Variants in STRIP2 observed in about 807,000 individuals in gnomAD.
STRIP2 encodes the protein striatin-interacting protein 2.
A neutral mutation model predicts 107.1 loss-of-function variants in STRIP2; 84 were observed. The ratio of observed to expected loss-of-function variants is 0.78; its 90% CI spans 0.66 to 0.94. The LOEUF (loss-of-function observed/expected upper bound fraction) is 0.94, where lower values mean the gene tolerates loss of function less well. Ranked by LOEUF, STRIP2 falls within the 40% of genes least tolerant of loss-of-function variation. The pLI is 0.00. For synonymous variants in STRIP2, 394 were observed against 400.4 expected, an observed-to-expected ratio of 0.98 and a Z score of 0.19; for missense variants, 888 against 1,034.2, an observed-to-expected ratio of 0.86 and a Z score of 1.94.
At chr7:129,453,401 G>C in intron 5 of STRIP2, 54 bp downstream of exon 5, 1 of 1,607,322 alleles carries the variant, frequency 6.2e-7, no homozygotes, top group Non-Finnish European at 8.5e-7. Flanking sequence ...CCTTAAAGGG[G>C]CCTCATGTTC....
chr7:129,451,089 A>G (rs909153621), intron 3 of STRIP2, among the ~76,000 whole-genome samples: 2 of 151,200 alleles, frequency 1.3e-5, no homozygotes, highest in African/African-American at 4.9e-5. Flanking sequence ...GGCGCCCGCC[A>G]CTACGCCCGG....
In STRIP2 at chr7:129,454,181, T is replaced by G; in HGVS notation, c.570T>G (p.Ala190=). The change falls in exon 6 of 21, where the codon GCT becomes GCG. Residue 190 remains alanine (A), a synonymous_variant. Transcript: ENST00000249344. ...GTAGCAGTGCCCTTCGGAAACCAGC[T>G]GTCTCCATAGCTGATAGCACAGAGC... ...QACSSALRKP[A]VSIADSTELR... is the part of the protein sequence containing the mutation. The G allele has an allele frequency of 6.2e-7, 1 of 1,614,184 alleles. No individual in the cohort carries two copies. Among genetic ancestry groups the G allele is most frequent in the Non-Finnish European group, 8.5e-7 (1 of 1,180,022 alleles).
rs541278577 is a variant in STRIP2 at position 129,486,531 on chromosome 7, A to T, written c.*702A>T. 6.6e-6 allele frequency: 1 copy of T among 152,374 alleles called. No homozygotes were observed. The highest frequency in any genetic ancestry group is 1.9e-4 in the East Asian group (1 of 5,194). The allele number at this position is 152,374 out of a possible 1,614,324, so 9.4% of individuals were successfully genotyped here. On this transcript the variant is annotated 3_prime_UTR_variant, in exon 21 of 21. Coordinates refer to ENST00000249344, the MANE Select transcript of STRIP2 (RefSeq NM_020704.3). ...TGCTCTGCCATTTTTAAAGAGCCAC[A>T]ACCAATATGAAATAATTAGGTCCTC...
chr7:129,442,079 G>T (rs1479080989), intron 2 of STRIP2, among the ~76,000 whole-genome samples: 1 of 152,152 alleles, frequency 6.6e-6, no homozygotes, highest in Non-Finnish European at 1.5e-5. Flanking sequence ...ACAAAAATTA[G>T]CTGGGCATCG....
rs1010365276 is a variant in STRIP2 at position 129,458,567 on chromosome 7, G to A, written c.1274+117G>A. The A allele has an allele frequency of 7.4e-5, 92 of 1,244,636 alleles. No homozygotes were observed. The highest frequency in any genetic ancestry group is 2.6e-4 in the South Asian group (18 of 70,554). The allele number at this position is 1,244,636 out of a possible 1,614,324, so 77.1% of individuals were successfully genotyped here. A position where few individuals can be genotyped will look rare whatever the true frequency, so the allele number is the denominator to read the frequency against. ...AGTTGGTCTGGCAGTCAGAACTCCT[G>A]GGTTTGAAATTCCTTCTGTTGATTG... On this transcript the variant is annotated intron_variant, in intron 10 of 20. Transcript: ENST00000249344. The surrounding 1 kb of genome is among the most constrained non-coding windows in gnomAD (Gnocchi z 4.6).
intron 15 of STRIP2, 124 bp from the exon 16 acceptor site, chr7:129,464,488 A>G (rs764034059): frequency 1.2e-4 from 126 of 1,056,906 alleles, no homozygotes; most frequent in Admixed American, 3.1e-4. Context: ...TCCCTGGCAC[A>G]GAAGTTCAAG....
chr7:129,471,933 A>T (rs1010177470), intron 18 of STRIP2, among the ~76,000 whole-genome samples: 1 of 152,202 alleles, frequency 6.6e-6, no homozygotes, highest in Admixed American at 6.5e-5. Flanking sequence ...TAAATTGTCT[A>T]ACCCTCTCTA....
rs1183179408 is a variant in STRIP2 at position 129,477,222 on chromosome 7, C to T, written c.1945-3563C>T. The stretch of plus-strand genomic sequence containing the variant: ...AGGGGGAGGGGGAGGGGGAGGGAGA[C>T]TGTGGGGAGAGGGAGAGGGCTATTG... On this transcript the variant is annotated intron_variant, in intron 18 of 20. Coordinates refer to ENST00000249344, the MANE Select transcript of STRIP2 (RefSeq NM_020704.3). Among the ~76,000 whole-genome samples, 2 of 30,256 alleles carry T rather than the reference C, an allele frequency of 6.6e-5. 1 individual carries two copies. The highest frequency in any genetic ancestry group is 1.7e-4 in the Non-Finnish European group (2 of 11,856). The allele number at this position is 30,256 out of a possible 152,430, so 19.8% of individuals were successfully genotyped here.
intron 1 of STRIP2, among the ~76,000 whole-genome samples, chr7:129,435,192 G>T (rs1253543107): frequency 6.6e-6 from 1 of 152,238 alleles, no homozygotes; most frequent in Admixed American, 6.5e-5. Flanking sequence ...AGCGAGACGG[G>T]ATTCAGGCAG....
In STRIP2 at chr7:129,454,435, T is replaced by A. The variant is rs767802156; in HGVS notation, c.614T>A (p.Val205Asp). The change falls in exon 7 of 21, where the codon GTT becomes GAT. Residue 205 changes from valine (V) to aspartate (D), a missense_variant. Val to Asp is a radical substitution (Grantham distance 152, BLOSUM62 -3). Coordinates refer to ENST00000249344, the MANE Select transcript of STRIP2 (RefSeq NM_020704.3). ...TGTAACCCCAGGGTGCTGCTGAGTG[T>A]TATGTACCTAATGGTGGAAAATATT... ...DSTELRVLLS[V>D]MYLMVENIRL... 1.2e-6 allele frequency: 2 copies of A among 1,613,636 alleles called. No homozygotes were observed.
At chr7:129,459,651 G>C in intron 12 of STRIP2, 71 bp downstream of exon 12, 1 of 1,299,996 alleles carries the variant, frequency 7.7e-7, no homozygotes, top group South Asian at 1.2e-5. Flanking sequence ...CAGGCTCCTG[G>C]ATACTGGGTG....
At chr7:129,440,347 T>C (rs1797863841) in intron 2 of STRIP2, among the ~76,000 whole-genome samples, 1 of 152,182 alleles carries the variant, frequency 6.6e-6, no homozygotes, top group Non-Finnish European at 1.5e-5. Flanking sequence ...TCTTCTTTAT[T>C]CTCTTTGAAA....
At chr7:129,480,710 A>G (rs1799093970) in intron 18 of STRIP2, 75 bp from the exon 19 acceptor site, 4 of 1,296,704 alleles carry the variant, frequency 3.1e-6, no homozygotes, top group African/African-American at 3.0e-5. Context: ...AAACTGACCA[A>G]CATTGACTTC....
chr7:129,469,012 T>A (rs1242083987), intron 17 of STRIP2, among the ~76,000 whole-genome samples: 1 of 152,244 alleles, frequency 6.6e-6, no homozygotes, highest in East Asian at 1.9e-4. Context: ...CTATATGAGC[T>A]AAACATGCCC....
intron 3 of STRIP2, among the ~76,000 whole-genome samples, chr7:129,451,257 T>C (rs961929238): frequency 3.3e-5 from 5 of 152,060 alleles, no homozygotes; most frequent in African/African-American, 1.2e-4. Context: ...TCCTTTTATA[T>C]TGGGCATGTA....
At chr7:129,444,399 A>G (rs1003023288) in intron 3 of STRIP2, among the ~76,000 whole-genome samples, 1 of 152,230 alleles carries the variant, frequency 6.6e-6, no homozygotes, top group Non-Finnish European at 1.5e-5. Context: ...GGCAGGAACT[A>G]TCCAGCACAG....
Position 129,480,802 on chromosome 7 carries a change from C to T in STRIP2, c.1962C>T (p.Ser654=). The change falls in exon 19 of 21, where the codon AGC becomes AGT. Residue 654 remains serine (S), a synonymous_variant. Coordinates refer to ENST00000249344, the MANE Select transcript of STRIP2 (RefSeq NM_020704.3). ...TTESLEAGDN[S]QFCWRNLFSC... ...TACTATAGGAAGCTGGAGACAACAG[C>T]CAGTTCTGCTGGAGGAACCTCTTTT... is the stretch of plus-strand genomic sequence containing the variant. The T allele has an allele frequency of 6.2e-7, 1 of 1,613,652 alleles. No individual in the cohort carries two copies. Among genetic ancestry groups the T allele is most frequent in the Non-Finnish European group, 8.5e-7 (1 of 1,179,784 alleles).
In STRIP2 at chr7:129,485,605, C is replaced by T. The variant is rs779733069; in HGVS notation, c.2281C>T (p.Gln761Ter). Reference protein sequence around the residue: ...NDIDARPWDFQAEECTLRANI... With the variant: ...NDIDARPWDF The stretch of plus-strand genomic sequence containing the variant: ...CATCGATGCCAGACCATGGGACTTC[C>T]AAGCAGAAGAATGTACCTTGAGGGC... Residue 761 changes from glutamine to a stop codon, truncating the protein, a stop_gained, in exon 21 of 21, where the codon CAA (glutamine) becomes TAA (stop). Transcript: ENST00000249344. LOFTEE classifies it high-confidence loss of function. 2 of 1,613,892 alleles carry T rather than the reference C, an allele frequency of 1.2e-6. No homozygotes were observed. The highest frequency in any genetic ancestry group is 8.5e-7 in the Non-Finnish European group (1 of 1,179,998).
intron 3 of STRIP2, among the ~76,000 whole-genome samples, chr7:129,444,691 ATAC>A (rs1302698690): frequency 1.3e-5 from 2 of 152,188 alleles, no homozygotes; most frequent in Non-Finnish European, 2.9e-5. Context: ...TCCTGAGATC[ATAC>A]ATAATCTTCA....
Sources: allele counts gnomAD v4.1 joint callset (sites outside exome capture counted in the v4.1 genomes callset), GRCh38; gene constraint gnomAD v4.1.1; non-coding constraint Gnocchi (gnomAD v3.1); transcripts MANE v1.5; gene names NCBI Gene and HGNC (gene_info 2026-07-23, HGNC 2026-07-21).